The following FGGY variants were observed in gnomAD, a reference collection of about 807,000 sequenced individuals.
FGGY encodes the protein FGGY carbohydrate kinase domain containing.
A neutral mutation model predicts 71.3 loss-of-function variants in FGGY; 72 were observed. The observed-to-expected ratio is 1.01, with a 90% CI of 0.84 to 1.23. FGGY has a LOEUF of 1.23. Ranked by LOEUF, FGGY falls within the 50% of genes most tolerant of loss-of-function variation. The probability of loss-of-function intolerance (pLI) is 0.00; values close to 1 mark genes in which losing one functional copy is unlikely to be tolerated. For missense variants in FGGY, 668 were observed against 682.3 expected (o/e 0.98, Z 0.23); for synonymous variants, 251 against 250.3 (o/e 1.00, Z -0.02).
intron 5 of FGGY, among the ~76,000 whole-genome samples, chr1:59,412,505 A>G (rs1169674082): frequency 6.6e-6 from 1 of 151,770 alleles, no homozygotes; most frequent in Non-Finnish European, 1.5e-5. Flanking sequence ...TCTCCCTAAG[A>G]TTGCACTACC....
At chr1:59,586,954 G>T (rs1248633719) in intron 8 of FGGY, among the ~76,000 whole-genome samples, 2 of 152,170 alleles carry the variant, frequency 1.3e-5, no homozygotes, top group Non-Finnish European at 2.9e-5. Context: ...AGGACAGTGG[G>T]TGCAGCGCAC....
At chr1:59,373,168 C>A (rs921258902) in intron 4 of FGGY, among the ~76,000 whole-genome samples, 1 of 152,054 alleles carries the variant, frequency 6.6e-6, no homozygotes, top group Non-Finnish European at 1.5e-5. Flanking sequence ...ACCCCATTGT[C>A]TCAGCCCAAA....
At chr1:59,326,993 T>A (rs1347292716) in intron 2 of FGGY, among the ~76,000 whole-genome samples, 1 of 152,264 alleles carries the variant, frequency 6.6e-6, no homozygotes, top group East Asian at 1.9e-4. Context: ...AATGTGTTAA[T>A]GATCATCGAA....
chr1:59,607,858 T>C lies in FGGY; in HGVS notation c.959T>C (p.Met320Thr), dbSNP rs759695196. 2 of 1,614,152 alleles carry C rather than the reference T, an allele frequency of 1.2e-6. No individual in the cohort carries two copies. Reference protein sequence around the residue: ...PGVWGPYFSAMVPGFWLNEGG... With the variant: ...PGVWGPYFSATVPGFWLNEGG... ...GTCTGGGGGCCTTATTTCTCAGCCATGGTACCTGGGTTCTGGCTGAATGAA... is the reference window on the plus strand; with the variant it reads ...GTCTGGGGGCCTTATTTCTCAGCCACGGTACCTGGGTTCTGGCTGAATGAA... The change falls in exon 9 of 16, where the codon ATG (methionine) becomes ACG (threonine). Residue 320 changes from methionine to threonine, a missense_variant. Met to Thr is a moderately conservative substitution (Grantham distance 81). Transcript: ENST00000303721.
chr1:59,416,380 T>C (rs970875908), intron 5 of FGGY, among the ~76,000 whole-genome samples: 1 of 152,116 alleles, frequency 6.6e-6, no homozygotes, highest in African/African-American at 2.4e-5. Context: ...AAAGGGTCTT[T>C]AGTGGGGGCG....
intron 5 of FGGY, among the ~76,000 whole-genome samples, chr1:59,387,408 C>A (rs975261709): frequency 6.6e-6 from 1 of 151,932 alleles, no homozygotes; most frequent in African/African-American, 2.4e-5. Flanking sequence ...TTTTAATTTG[C>A]ATTTTTGATT....
intron 14 of FGGY, among the ~76,000 whole-genome samples, chr1:59,700,673 C>T (rs1459062604): frequency 2.0e-5 from 3 of 152,150 alleles, no homozygotes; most frequent in Admixed American, 1.3e-4. Context: ...GCAACACCTG[C>T]CCTCATAGAA....
intron 9 of FGGY, among the ~76,000 whole-genome samples, chr1:59,613,751 C>T (rs1321703412): frequency 1.3e-5 from 2 of 151,714 alleles, no homozygotes; most frequent in East Asian, 3.9e-4. Flanking sequence ...AGAACGCTAG[C>T]AAGACTAATG....
intron 5 of FGGY, among the ~76,000 whole-genome samples, chr1:59,406,290 A>C (rs1249143688): frequency 6.6e-6 from 1 of 151,942 alleles, no homozygotes; most frequent in Non-Finnish European, 1.5e-5. Context: ...CAAATAACAC[A>C]ACACCCTGCC....
chr1:59,735,525 A>G (rs2098093409), intron 14 of FGGY, among the ~76,000 whole-genome samples: 1 of 152,228 alleles, frequency 6.6e-6, no homozygotes, highest in Non-Finnish European at 1.5e-5. Context: ...CACAGAGGTA[A>G]CCAACATTTG....
rs538580665 is a variant in FGGY at position 59,321,846 on chromosome 1, A to G, written c.201+96A>G. On this transcript the variant is annotated intron_variant, in intron 2 of 15. Coordinates refer to ENST00000303721, the MANE Select transcript of FGGY (RefSeq NM_018291.5). ...CCGTAAACAATGTTGGGGTAACTTTAGATGCAGAGGTAAGCAAGACATAGG... is the reference window on the plus strand; with the variant it reads ...CCGTAAACAATGTTGGGGTAACTTTGGATGCAGAGGTAAGCAAGACATAGG... The G allele has an allele frequency of 9.5e-5, 123 of 1,301,446 alleles. 1 individual carries two copies. In the South Asian group the frequency reaches 1.6e-3, roughly 17 times the overall value. The allele number at this position is 1,301,446 out of a possible 1,614,324, so 80.6% of individuals were successfully genotyped here. A position where few individuals can be genotyped will look rare whatever the true frequency, so the allele number is the denominator to read the frequency against.
At chr1:59,555,718 G>T (rs1016552321) in intron 8 of FGGY, among the ~76,000 whole-genome samples, 1 of 152,130 alleles carries the variant, frequency 6.6e-6, no homozygotes. Flanking sequence ...CAGCATATTT[G>T]GCCAGACACA....
intron 4 of FGGY, among the ~76,000 whole-genome samples, chr1:59,376,266 G>A (rs75232508): frequency 0.017 from 2,605 of 152,292 alleles, 68 homozygotes; most frequent in African/African-American, 0.059. Flanking sequence ...TCAAAGAGAA[G>A]TTTAGGGCAG....
intron 14 of FGGY, among the ~76,000 whole-genome samples, chr1:59,682,110 T>C (rs1172649623): frequency 6.6e-6 from 1 of 152,146 alleles, no homozygotes; most frequent in Non-Finnish European, 1.5e-5. Context: ...TATAAAGACA[T>C]TTTCTATAAT....
intron 11 of FGGY, among the ~76,000 whole-genome samples, chr1:59,655,203 A>G (rs1314403827): frequency 5.3e-5 from 8 of 152,206 alleles, no homozygotes; most frequent in Admixed American, 2.6e-4. Context: ...CTTTCATGCA[A>G]TTCGAGAGAA....
chr1:59,453,953 A>G (rs923138005), intron 5 of FGGY, among the ~76,000 whole-genome samples: 1 of 152,164 alleles, frequency 6.6e-6, no homozygotes, highest in African/African-American at 2.4e-5. Context: ...ACTTAGGGCC[A>G]TGAACTCAAC....
At chr1:59,440,699 A>G (rs55821668) in intron 5 of FGGY, among the ~76,000 whole-genome samples, 1 of 148,832 alleles carries the variant, frequency 6.7e-6, no homozygotes, top group African/African-American at 2.5e-5. Context: ...ATAATTTAGC[A>G]GGTGATCATA....
chr1:59,315,039 G>C (rs1265945572), intron 1 of FGGY, among the ~76,000 whole-genome samples: 1 of 152,146 alleles, frequency 6.6e-6, no homozygotes, highest in Admixed American at 6.5e-5. Context: ...CTTGGTACTG[G>C]GGCTCTTGAG....
At chr1:59,760,427 G>A (rs1225303522) in intron 15 of FGGY, among the ~76,000 whole-genome samples, 1 of 152,110 alleles carries the variant, frequency 6.6e-6, no homozygotes, top group Non-Finnish European at 1.5e-5. Flanking sequence ...ATGTGATTCA[G>A]GAATTGTATT....
Sources: allele counts gnomAD v4.1 joint callset (sites outside exome capture counted in the v4.1 genomes callset), GRCh38; gene constraint gnomAD v4.1.1; transcripts MANE v1.5; gene names NCBI Gene and HGNC (gene_info 2026-07-23, HGNC 2026-07-21).